Variants in SCHIP1 observed in about 807,000 individuals in gnomAD.
SCHIP1 encodes schwannomin-interacting protein 1.
In SCHIP1, 8 loss-of-function variants were observed where a neutral mutation model predicts 29.7. The observed-to-expected ratio is 0.27, with a 90% CI of 0.16 to 0.49. SCHIP1 has a LOEUF of 0.49. SCHIP1 is among the 20% of genes least tolerant of loss of function. The pLI is 0.99. For synonymous variants in SCHIP1, 76 were observed against 94.9 expected (o/e 0.80, Z 1.16); for missense variants, 193 against 294.6 (o/e 0.66, Z 2.52).
the SCHIP1 span, among the ~76,000 whole-genome samples, chr3:159,513,047 T>C: frequency 2.6e-5 from 4 of 152,248 alleles, no homozygotes; most frequent in Non-Finnish European, 4.4e-5. Context: ...AAATATATTA[T>C]TGAACAAAGT....
At chr3:159,496,242 A>G in the SCHIP1 span, among the ~76,000 whole-genome samples, 1 of 152,196 alleles carries the variant, frequency 6.6e-6, no homozygotes, top group South Asian at 2.1e-4. Context: ...ACAAAAACCA[A>G]AATTGACAAA....
At chr3:159,437,432 A>G in the SCHIP1 span, among the ~76,000 whole-genome samples, 2 of 151,996 alleles carry the variant, frequency 1.3e-5, no homozygotes, top group African/African-American at 4.8e-5. Context: ...TTAATGTCCT[A>G]CGGCTGCCTC....
At chr3:159,470,946 G>A in the SCHIP1 span, among the ~76,000 whole-genome samples, 3 of 152,088 alleles carry the variant, frequency 2.0e-5, no homozygotes, top group East Asian at 3.8e-4. Context: ...GGCAAAGGTA[G>A]AGGGGGAGAA....
chr3:159,892,012 T>C, intron 5 of SCHIP1, 85 bp from the exon 7 acceptor site: 1 of 1,417,016 alleles, frequency 7.1e-7, no homozygotes, highest in East Asian at 2.3e-5. Context: ...GGTAGCTGTT[T>C]GTGTGTATAC....
chr3:159,835,799 C>T (rs570081652), upstream of SCHIP1, among the ~76,000 whole-genome samples: 8 of 152,220 alleles, frequency 5.3e-5, no homozygotes, highest in African/African-American at 1.9e-4. Context: ...TATTCACTTT[C>T]AAAACTGTAT....
the SCHIP1 span, among the ~76,000 whole-genome samples, chr3:159,797,641 T>C: frequency 5.9e-5 from 9 of 152,198 alleles, no homozygotes; most frequent in African/African-American, 2.2e-4. Flanking sequence ...GGCACGATCT[T>C]GGCTCACTGC....
the SCHIP1 span, among the ~76,000 whole-genome samples, chr3:159,518,388 G>C: frequency 3.3e-5 from 5 of 151,794 alleles, no homozygotes; most frequent in Admixed American, 6.6e-5. Context: ...TGGCTACATA[G>C]GTTTTTATTT....
At chr3:159,684,487 T>C in the SCHIP1 span, among the ~76,000 whole-genome samples, 9 of 152,074 alleles carry the variant, frequency 5.9e-5, no homozygotes, top group Admixed American at 2.0e-4. Context: ...GTCATACCTC[T>C]ATAAATTAAG....
At chr3:159,633,322 T>C in the SCHIP1 span, among the ~76,000 whole-genome samples, 1 of 152,144 alleles carries the variant, frequency 6.6e-6, no homozygotes, top group Non-Finnish European at 1.5e-5. Flanking sequence ...GGGTGACATG[T>C]ATTAAAGATG....
chr3:159,483,400 C>G, the SCHIP1 span, among the ~76,000 whole-genome samples: 1 of 152,124 alleles, frequency 6.6e-6, no homozygotes, highest in Admixed American at 6.5e-5. Context: ...TAAACATTGG[C>G]ATGTGACATT....
the SCHIP1 span, among the ~76,000 whole-genome samples, chr3:159,549,122 C>A: frequency 6.6e-6 from 1 of 152,140 alleles, no homozygotes; most frequent in Non-Finnish European, 1.5e-5. Context: ...ATTCTTTTAT[C>A]ATTAGCTGTA....
chr3:159,812,263 G>A, the SCHIP1 span, among the ~76,000 whole-genome samples: 7 of 151,992 alleles, frequency 4.6e-5, no homozygotes, highest in Admixed American at 6.6e-5. Context: ...GAGCCATCGC[G>A]CCCGGCCTGT....
At chr3:159,423,663 C>T in the SCHIP1 span, among the ~76,000 whole-genome samples, 25 of 151,698 alleles carry the variant, frequency 1.6e-4, no homozygotes, top group South Asian at 6.3e-4. Context: ...CAGTAACCTC[C>T]GCAGACTTAA....
At chr3:159,427,485 A>C in the SCHIP1 span, among the ~76,000 whole-genome samples, 5 of 152,154 alleles carry the variant, frequency 3.3e-5, no homozygotes, top group African/African-American at 1.2e-4. Flanking sequence ...AATCCAACTT[A>C]CAAGGGATGT....
At chr3:159,838,247 A>G (rs1286594521), upstream of SCHIP1, among the ~76,000 whole-genome samples, 2 of 152,254 alleles carry the variant, frequency 1.3e-5, no homozygotes, top group Admixed American at 1.3e-4. Flanking sequence ...TTATAAAAAT[A>G]GGTTTTTCTC....
the SCHIP1 span, among the ~76,000 whole-genome samples, chr3:159,698,935 C>T: frequency 7.9e-3 from 1,202 of 152,252 alleles, 13 homozygotes; most frequent in African/African-American, 0.027. Context: ...TGTGAGCCAC[C>T]GCACTGGTCT....
At chr3:159,755,742 T>C in the SCHIP1 span, among the ~76,000 whole-genome samples, 42,562 of 152,178 alleles carry the variant, frequency 0.28, 6,020 homozygotes, top group Middle Eastern at 0.35. Context: ...AAGTTAGTTA[T>C]TTCCTAAATA....
the SCHIP1 span, among the ~76,000 whole-genome samples, chr3:159,502,650 C>G: frequency 9.9e-5 from 15 of 152,066 alleles, no homozygotes; most frequent in East Asian, 1.6e-3. Flanking sequence ...CCACTCCCCC[C>G]ACCCCACAAC....
the SCHIP1 span, among the ~76,000 whole-genome samples, chr3:159,626,180 C>A: frequency 0.55 from 50,627 of 91,988 alleles, 13,363 homozygotes; most frequent in East Asian, 0.83. Context: ...ATCTATCTAT[C>A]TAGATAGATA....
Sources: gnomAD v4.1 joint callset for allele counts (sites outside exome capture counted in the v4.1 genomes callset) on GRCh38, gnomAD v4.1.1 for gene constraint, MANE v1.5 for transcripts, NCBI Gene and HGNC (gene_info 2026-07-23, HGNC 2026-07-21) for gene names.